LRRTM4: variants seen among roughly 807,000 people sequenced by gnomAD.
The protein encoded by LRRTM4 is leucine-rich repeat transmembrane neuronal protein 4.
In LRRTM4, 25 loss-of-function variants were observed where a neutral mutation model predicts 47.6. The ratio of observed to expected loss-of-function variants is 0.53; its 90% CI spans 0.38 to 0.73. The LOEUF is 0.73. LRRTM4 is among the 30% of genes least tolerant of loss of function. The probability of loss-of-function intolerance (pLI) is 0.00; values close to 1 mark genes in which losing one functional copy is unlikely to be tolerated. For synonymous variants in LRRTM4, 311 were observed against 269.5 expected, an observed-to-expected ratio of 1.15 and a Z score of -1.51; for missense variants, 638 against 713.4, an observed-to-expected ratio of 0.89 and a Z score of 1.20.
At chr2:76,957,284 A>G (rs1573366886) in intron 3 of LRRTM4, among the ~76,000 whole-genome samples, 1 of 151,752 alleles carries the variant, frequency 6.6e-6, no homozygotes, top group East Asian at 2.0e-4. Flanking sequence ...TCATTGTTCA[A>G]TGGGTAGAGT....
intron 3 of LRRTM4, among the ~76,000 whole-genome samples, chr2:77,378,739 G>GT (rs1392888599): frequency 6.6e-6 from 1 of 152,096 alleles, no homozygotes; most frequent in Non-Finnish European, 1.5e-5. Context: ...GGCTAGATAT[G>GT]TAAGAACAGG....
At chr2:77,416,417 T>A (rs1267248539) in intron 3 of LRRTM4, among the ~76,000 whole-genome samples, 4 of 152,148 alleles carry the variant, frequency 2.6e-5, no homozygotes, top group Non-Finnish European at 1.5e-5. Flanking sequence ...GAAATAAATA[T>A]ATAACTCATG....
rs545899851 is a variant in LRRTM4 at position 77,475,234 on chromosome 2, T to C, written c.1551+43084A>G. Among the ~76,000 whole-genome samples, 5 of 152,218 alleles carry C rather than the reference T, an allele frequency of 3.3e-5. No homozygotes were observed. In the East Asian group the frequency reaches 9.6e-4, roughly 29 times the overall value. On this transcript the variant is annotated intron_variant, in intron 3 of 3. Transcript: ENST00000409884. ...ACCTATAAAGAAGCACAGGTGGTAC[T>C]GTTTTTGCAACTCAGTTCATTCATA...
chr2:77,002,659 C>G (rs377715708), intron 3 of LRRTM4, among the ~76,000 whole-genome samples: 1 of 152,114 alleles, frequency 6.6e-6, no homozygotes, highest in African/African-American at 2.4e-5. Context: ...TCCACAGTGC[C>G]GTTTTTGATT....
chr2:77,149,135 T>A (rs186433730), intron 3 of LRRTM4, among the ~76,000 whole-genome samples: 7 of 152,266 alleles, frequency 4.6e-5, no homozygotes, highest in African/African-American at 1.4e-4. Context: ...GAGCATTTGA[T>A]CTGTAGCTGA....
chr2:77,065,531 C>T (rs920758698), intron 3 of LRRTM4, among the ~76,000 whole-genome samples: 5 of 152,116 alleles, frequency 3.3e-5, no homozygotes, highest in Non-Finnish European at 5.9e-5. Flanking sequence ...ACTATTACTA[C>T]TATATGCTAC....
chr2:76,948,436 A>C (rs1270266217), intron 3 of LRRTM4, among the ~76,000 whole-genome samples: 1 of 151,818 alleles, frequency 6.6e-6, no homozygotes, highest in Non-Finnish European at 1.5e-5. Flanking sequence ...AAAATGTAAT[A>C]GTCTTACACT....
chr2:77,146,764 C>T (rs1048634100), intron 3 of LRRTM4, among the ~76,000 whole-genome samples: 1 of 152,090 alleles, frequency 6.6e-6, no homozygotes, highest in African/African-American at 2.4e-5. Flanking sequence ...ATTCAAATCT[C>T]CAAGCAGTTA....
chr2:77,133,960 C>T (rs528058289), intron 3 of LRRTM4, among the ~76,000 whole-genome samples: 1 of 152,082 alleles, frequency 6.6e-6, no homozygotes, highest in Non-Finnish European at 1.5e-5. Context: ...AAAGTTAGTT[C>T]TGTCAAATCC....
At chr2:77,324,092 A>G (rs1348311027) in intron 3 of LRRTM4, among the ~76,000 whole-genome samples, 1 of 152,128 alleles carries the variant, frequency 6.6e-6, no homozygotes, top group African/African-American at 2.4e-5. Context: ...AAACAGACCT[A>G]AATAAACATA....
At chr2:77,052,590 A>T (rs1458139868) in intron 3 of LRRTM4, among the ~76,000 whole-genome samples, 7 of 151,866 alleles carry the variant, frequency 4.6e-5, no homozygotes, top group African/African-American at 1.7e-4. Flanking sequence ...TTTTTTACTG[A>T]TCTGAAGGAA....
intron 3 of LRRTM4, among the ~76,000 whole-genome samples, chr2:77,040,813 G>A (rs1679003846): frequency 1.3e-5 from 2 of 151,360 alleles, no homozygotes; most frequent in South Asian, 2.1e-4. Context: ...ACTGATACAC[G>A]ATAATTATAC....
At chr2:77,404,916 T>C (rs1001541910) in intron 3 of LRRTM4, among the ~76,000 whole-genome samples, 10 of 152,086 alleles carry the variant, frequency 6.6e-5, no homozygotes, top group Non-Finnish European at 1.0e-4. Flanking sequence ...ACAGGAATTA[T>C]TGGGCATCTG....
chr2:76,798,211 C>T (rs534536046), intron 3 of LRRTM4, among the ~76,000 whole-genome samples: 5 of 152,070 alleles, frequency 3.3e-5, no homozygotes, highest in Non-Finnish European at 5.9e-5. Flanking sequence ...TAAAGCTCTC[C>T]TCAGAAAATG....
intron 3 of LRRTM4, among the ~76,000 whole-genome samples, chr2:76,972,641 C>G (rs77303953): frequency 6.6e-6 from 1 of 151,760 alleles, no homozygotes. Context: ...CTGGTCGACT[C>G]GAACTCCTGA....
chr2:76,965,400 T>A (rs774817449), intron 3 of LRRTM4, among the ~76,000 whole-genome samples: 1 of 151,216 alleles, frequency 6.6e-6, no homozygotes, highest in Non-Finnish European at 1.5e-5. Flanking sequence ...ATTCAAAATA[T>A]GAAAATCAAT....
chr2:77,342,005 G>A (rs1422259133), intron 3 of LRRTM4, among the ~76,000 whole-genome samples: 1 of 151,942 alleles, frequency 6.6e-6, no homozygotes, highest in Non-Finnish European at 1.5e-5. Context: ...GGGTGTATCA[G>A]AGACTTAAAA....
At chr2:76,829,576 C>A (rs114712143) in intron 3 of LRRTM4, among the ~76,000 whole-genome samples, 1,868 of 152,020 alleles carry the variant, frequency 0.012, 35 homozygotes, top group African/African-American at 0.041. Flanking sequence ...TCTGTAATAA[C>A]ATGTAAAATG....
At chr2:77,360,556 A>ACAAT (rs1672170079) in intron 3 of LRRTM4, among the ~76,000 whole-genome samples, 7 of 137,354 alleles carry the variant, frequency 5.1e-5, no homozygotes, top group Admixed American at 6.9e-5. Flanking sequence ...ATTCATACAT[A>ACAAT]CATACATACA....
Sources: allele counts gnomAD v4.1 joint callset (sites outside exome capture counted in the v4.1 genomes callset), GRCh38; gene constraint gnomAD v4.1.1; transcripts MANE v1.5; gene names NCBI Gene and HGNC (gene_info 2026-07-23, HGNC 2026-07-21).